The following DPY19L3 variants were observed in gnomAD, a reference collection of about 807,000 sequenced individuals.
The protein encoded by DPY19L3 is dpy-19 like C-mannosyltransferase 3.
Under a neutral mutation model 92.3 loss-of-function variants are expected in DPY19L3, and 51 were observed. The observed-to-expected ratio is 0.55, with a 90% CI of 0.44 to 0.70. DPY19L3 has a LOEUF of 0.70. Ranked by LOEUF, DPY19L3 falls within the 30% of genes least tolerant of loss-of-function variation. The pLI is 0.00. For missense variants in DPY19L3, 706 were observed against 855.9 expected (o/e 0.82, Z 2.18); for synonymous variants, 309 against 315.2 (o/e 0.98, Z 0.21).
intron 12 of DPY19L3, 64 bp from the exon 13 acceptor site, chr19:32,463,302 T>G (rs1482885389): frequency 6.4e-7 from 1 of 1,564,636 alleles, no homozygotes; most frequent in African/African-American, 1.4e-5. Context: ...ATCTTCTTCT[T>G]TTACAAAGAT....
intron 8 of DPY19L3, among the ~76,000 whole-genome samples, chr19:32,449,762 A>T (rs1159784114): frequency 6.6e-6 from 1 of 152,232 alleles, no homozygotes; most frequent in African/African-American, 2.4e-5. Context: ...TGTACACACT[A>T]ACTCAAAGTG....
In DPY19L3 at chr19:32,411,193, A is replaced by AT. The variant is rs750909385; in HGVS notation, c.104-39dup. On this transcript the variant is annotated intron_variant, in intron 2 of 18. Transcript: ENST00000392250. Reference sequence around the variant, plus strand: ...TCTGAAGTAGAACTATTACATTCTGATTTTTTTACTGACTTAGTTATTTAT... The same window carrying AT: ...TCTGAAGTAGAACTATTACATTCTGATTTTTTTTACTGACTTAGTTATTTAT... 47 of 1,571,702 alleles carry AT rather than the reference A, an allele frequency of 3.0e-5. 1 individual carries two copies. In the South Asian group the frequency reaches 3.3e-4, roughly 11 times the overall value.
At chr19:32,422,080 A>G (rs897286579) in intron 3 of DPY19L3, among the ~76,000 whole-genome samples, 1 of 152,156 alleles carries the variant, frequency 6.6e-6, no homozygotes, top group Middle Eastern at 3.2e-3. Flanking sequence ...CTTGTGTAGT[A>G]AGAACTTGCC....
At chr19:32,426,309 T>C (rs1968761777) in intron 3 of DPY19L3, among the ~76,000 whole-genome samples, 1 of 152,214 alleles carries the variant, frequency 6.6e-6, no homozygotes, top group East Asian at 1.9e-4. Flanking sequence ...AGCATTAGAC[T>C]TTCCCCGTAT....
chr19:32,462,504 T>G (rs1440916567), intron 12 of DPY19L3, among the ~76,000 whole-genome samples: 1 of 148,546 alleles, frequency 6.7e-6, no homozygotes, highest in Non-Finnish European at 1.5e-5. Flanking sequence ...CCCCGTGAAG[T>G]GTTCTTGCCA....
At chr19:32,445,152 A>ACTGTC (rs1969448861) in intron 8 of DPY19L3, among the ~76,000 whole-genome samples, 1 of 149,990 alleles carries the variant, frequency 6.7e-6, no homozygotes, top group African/African-American at 2.5e-5. Context: ...GAAAAAAAGA[A>ACTGTC]CTGTCAAGGC....
chr19:32,423,960 C>T (rs866114401), intron 3 of DPY19L3, among the ~76,000 whole-genome samples: 119 of 151,920 alleles, frequency 7.8e-4, no homozygotes, highest in African/African-American at 2.6e-3. Context: ...TTATCATTAG[C>T]TAAGATTGTG....
rs1347983863 is a variant in DPY19L3 at position 32,458,421 on chromosome 19, C to T, written c.1234C>T (p.Leu412Phe). The T allele has an allele frequency of 6.2e-7, 1 of 1,613,890 alleles. No homozygotes were observed. The highest frequency in any genetic ancestry group is 1.7e-5 in the Admixed American group (1 of 60,016). Residue 412 changes from leucine to phenylalanine, a missense_variant, in exon 12 of 19, where the codon CTT becomes TTT. Physicochemically the swap from Leu to Phe is conservative, Grantham distance 22 (BLOSUM62 0). Coordinates refer to ENST00000392250, the MANE Select transcript of DPY19L3 (RefSeq NM_001172774.2). ...GLLPFNTFGR[L>F]SDTLLFYAYI... is the part of the protein sequence containing the mutation. ...CCTGCCTTTTAATACATTTGGAAGG[C>T]TTTCAGATACTCTGCTTTTTTATGC...
rs571061242 is a variant in DPY19L3, at chr19:32,437,473, G to C, written c.596+134G>C. 10 of 1,018,038 alleles carry C rather than the reference G, an allele frequency of 9.8e-6. No individual in the cohort carries two copies. The South Asian group carries it at 1.9e-4, about 19-fold the overall frequency. The allele number at this position is 1,018,038 out of a possible 1,614,324, so 63.1% of individuals were successfully genotyped here. A position where few individuals can be genotyped will look rare whatever the true frequency, so the allele number is the denominator to read the frequency against. The stretch of plus-strand genomic sequence containing the variant: ...GCAGTTTCTCTTTGGTTTGCCTGGT[G>C]GTTTACTCAATTTTTCTTATTTAGT... On this transcript the variant is annotated intron_variant, in intron 6 of 18. Transcript: ENST00000392250.
intron 8 of DPY19L3, among the ~76,000 whole-genome samples, chr19:32,450,125 A>G (rs189097409): frequency 3.9e-5 from 6 of 152,296 alleles, no homozygotes; most frequent in Admixed American, 1.3e-4. Flanking sequence ...TCCAATAAAC[A>G]CAGGAAAAGA....
chr19:32,458,941 T>C (rs1457718632), intron 12 of DPY19L3, among the ~76,000 whole-genome samples: 1 of 152,226 alleles, frequency 6.6e-6, no homozygotes, highest in Non-Finnish European at 1.5e-5. Context: ...TGTTGACTCA[T>C]AAGCCTCTGT....
intron 9 of DPY19L3, among the ~76,000 whole-genome samples, chr19:32,454,064 A>G (rs916725085): frequency 5.9e-5 from 9 of 152,120 alleles, no homozygotes; most frequent in Non-Finnish European, 1.3e-4. Flanking sequence ...GTTGACTATC[A>G]AAAACAACAG....
intron 1 of DPY19L3, among the ~76,000 whole-genome samples, chr19:32,407,322 A>G (rs1005750827): frequency 1.6e-5 from 2 of 125,466 alleles, no homozygotes; most frequent in South Asian, 2.7e-4. Context: ...CCTGATTGGC[A>G]CACCCCCGCA....
At chr19:32,418,969 A>G (rs1968469295) in intron 3 of DPY19L3, among the ~76,000 whole-genome samples, 1 of 152,260 alleles carries the variant, frequency 6.6e-6, no homozygotes, top group African/African-American at 2.4e-5. Context: ...AGTAGTATAA[A>G]AGATATATCT....
intron 3 of DPY19L3, chr19:32,411,831 G>C (rs1199183753): frequency 6.2e-6 from 1 of 160,334 alleles, no homozygotes; most frequent in Non-Finnish European, 1.4e-5. Flanking sequence ...CTCCCAAAGT[G>C]CTGGGATTAC....
At chr19:32,450,242 G>A (rs973264938) in intron 8 of DPY19L3, among the ~76,000 whole-genome samples, 2 of 152,130 alleles carry the variant, frequency 1.3e-5, no homozygotes, top group Non-Finnish European at 2.9e-5. Flanking sequence ...CAAATGTCGC[G>A]GATGTGAAGA....
chr19:32,420,256 C>G (rs1003791177), intron 3 of DPY19L3, among the ~76,000 whole-genome samples: 1 of 152,070 alleles, frequency 6.6e-6, no homozygotes, highest in East Asian at 1.9e-4. Flanking sequence ...GAGTCAACTG[C>G]TGGGGCTGAG....
chr19:32,429,526 C>G (rs892062051), intron 3 of DPY19L3, among the ~76,000 whole-genome samples: 2 of 152,116 alleles, frequency 1.3e-5, no homozygotes, highest in African/African-American at 4.8e-5. Flanking sequence ...TAATTAGGTC[C>G]CCCTCTGTTC....
intron 16 of DPY19L3, among the ~76,000 whole-genome samples, chr19:32,473,873 G>A (rs1019196646): frequency 2.0e-5 from 3 of 152,062 alleles, no homozygotes; most frequent in Admixed American, 6.6e-5. Context: ...GCGTGATCTC[G>A]GCTCACTGCA....
Sources: gnomAD v4.1 joint callset for allele counts (sites outside exome capture counted in the v4.1 genomes callset) on GRCh38, gnomAD v4.1.1 for gene constraint, MANE v1.5 for transcripts, NCBI Gene and HGNC (gene_info 2026-07-23, HGNC 2026-07-21) for gene names.